BORCS5: variants seen among roughly 807,000 people sequenced by gnomAD.
The protein encoded by BORCS5 is BLOC-1 related complex subunit 5.
BORCS5 carries 17 observed loss-of-function variants against 22.1 expected under a neutral mutation model. That is an observed-to-expected ratio of 0.77 (90% confidence interval 0.53 to 1.15). The LOEUF (loss-of-function observed/expected upper bound fraction) is 1.15. Ranked by LOEUF, BORCS5 falls within the 50% of genes most tolerant of loss-of-function variation. BORCS5 has a pLI of 0.00. For synonymous variants in BORCS5, 117 were observed against 99.8 expected (o/e 1.17, Z -1.03); for missense variants, 247 against 253.2 (o/e 0.98, Z 0.17).
At position 12,438,382 on chromosome 12, in the gene BORCS5, G is replaced by GAAAAAAAAAAAAAAA. The variant is rs1565915767; in HGVS notation, c.360+2602_360+2603insAAAAAAAAAAAAAAA. 1.1e-3 allele frequency among the ~76,000 whole-genome samples: 116 copies of GAAAAAAAAAAAAAAA among 106,928 alleles called. 3 individuals are homozygous for GAAAAAAAAAAAAAAA. Among genetic ancestry groups the GAAAAAAAAAAAAAAA allele is most frequent in the African/African-American group, 4.8e-3 (86 of 18,058 alleles). 70.1% of individuals were successfully genotyped at this position (106,928 alleles called of 152,430 possible). A position where few individuals can be genotyped will look rare whatever the true frequency, so the allele number is the denominator to read the frequency against. On this transcript the variant is annotated intron_variant, in intron 3 of 3. Transcript: ENST00000314565. ...TCTCAAAAAAAAAAAAAAAAAAAAC[G>GAAAAAAAAAAAAAAA]AAAAACAACAACAAAAACCTCTAAT...
rs925018675 is a variant in BORCS5, at chr12:12,469,047, G to A, written c.*3271G>A. On this transcript the variant is annotated 3_prime_UTR_variant, in exon 4 of 4. Transcript: ENST00000314565. ...TCAAGGACTCCATACCCTGATATAG[G>A]AGTACATTCAAGAAATGAGTTTAGG... The A allele has an allele frequency of 6.6e-6, 1 of 152,136 alleles. No individual in the cohort carries two copies. 9.4% of individuals were successfully genotyped at this position (152,136 alleles called of 1,614,324 possible).
rs947559409 is a variant in BORCS5 at position 12,423,013 on chromosome 12, A to AT, written c.203-12609dup. Among the ~76,000 whole-genome samples the AT allele has an allele frequency of 2.9e-4, 42 of 147,082 alleles. 1 individual carries two copies. The highest frequency in any genetic ancestry group is 9.9e-4 in the African/African-American group (40 of 40,354). On this transcript the variant is annotated intron_variant, in intron 2 of 3. Transcript: ENST00000314565. Reference sequence around the variant, plus strand: ...TTTTTTATTTTTTATTTATTTTTTTATTTTTTGAGATGGAGTCTCACTCTG... The same window carrying AT: ...TTTTTTATTTTTTATTTATTTTTTTATTTTTTTGAGATGGAGTCTCACTCTG...
chr12:12,388,764 T>A lies in BORCS5; in HGVS notation c.202+27415T>A, dbSNP rs1038314877. On this transcript the variant is annotated intron_variant, in intron 2 of 3. Transcript: ENST00000314565. ...GCCAGATAGACTATCTTTCTGCTGT[T>A]CTTCTCCTTTCCTGGCAATATACTG... 6.0e-5 allele frequency among the ~76,000 whole-genome samples: 9 copies of A among 151,192 alleles called. 1 individual carries two copies. Among genetic ancestry groups the A allele is most frequent in the Admixed American group, 4.0e-4 (6 of 15,176 alleles).
chr12:12,405,391 A>G (rs1407077912), intron 2 of BORCS5, among the ~76,000 whole-genome samples: 2 of 152,210 alleles, frequency 1.3e-5, no homozygotes, highest in Non-Finnish European at 2.9e-5. Flanking sequence ...CTACTGTATT[A>G]TCTCCCTCAA....
intron 2 of BORCS5, among the ~76,000 whole-genome samples, chr12:12,364,051 GTAAAC>G (rs2136018335): frequency 6.6e-6 from 1 of 152,140 alleles, no homozygotes; most frequent in Admixed American, 6.6e-5. Flanking sequence ...TTACAATAAA[GTAAAC>G]TAGAGAAAAG....
Position 12,357,311 on chromosome 12 carries a change from A to G in BORCS5, c.-141A>G. On this transcript the variant is annotated 5_prime_UTR_variant, in exon 1 of 4. Transcript: ENST00000314565. ...GGCCCCTGCGTGGGCTGGACGCGTCAGCCCCACACATTAGCCTCGCTGCGG... is the reference window on the plus strand; with the variant it reads ...GGCCCCTGCGTGGGCTGGACGCGTCGGCCCCACACATTAGCCTCGCTGCGG... 5 of 1,464,282 alleles carry G rather than the reference A, an allele frequency of 3.4e-6. No homozygotes were observed. Among genetic ancestry groups the G allele is most frequent in the Non-Finnish European group, 4.5e-6 (5 of 1,104,604 alleles). The allele number at this position is 1,464,282 out of a possible 1,614,324, so 90.7% of individuals were successfully genotyped here.
At chr12:12,462,665 T>C (rs1187156428) in intron 3 of BORCS5, among the ~76,000 whole-genome samples, 1 of 151,748 alleles carries the variant, frequency 6.6e-6, no homozygotes, top group Non-Finnish European at 1.5e-5. Context: ...TTTTATTTTA[T>C]TTATTTTTGG....
At chr12:12,456,217 G>C (rs1942996103) in intron 3 of BORCS5, among the ~76,000 whole-genome samples, 1 of 152,140 alleles carries the variant, frequency 6.6e-6, no homozygotes, top group African/African-American at 2.4e-5. Context: ...TGGATGGCTT[G>C]GGCCAGGAGT....
At chr12:12,379,183 C>T (rs1365525119) in intron 2 of BORCS5, among the ~76,000 whole-genome samples, 1 of 147,710 alleles carries the variant, frequency 6.8e-6, no homozygotes, top group African/African-American at 2.5e-5. Flanking sequence ...TGCAATGGAG[C>T]GATCTTGACT....
chr12:12,374,190 A>G (rs1278139898), intron 2 of BORCS5, among the ~76,000 whole-genome samples: 1 of 150,934 alleles, frequency 6.6e-6, no homozygotes, highest in African/African-American at 2.4e-5. Context: ...ATGGGGTTTC[A>G]CTGTGTTAGC....
Position 12,435,695 on chromosome 12 carries a change from G to A in BORCS5, c.270G>A (p.Leu90=), listed in dbSNP as rs1451108645. The A allele has an allele frequency of 6.8e-6, 11 of 1,613,974 alleles. No homozygotes were observed. Among genetic ancestry groups the A allele is most frequent in the African/African-American group, 1.3e-5 (1 of 74,908 alleles). Residue 90 remains leucine (L), a synonymous_variant, in exon 3 of 4, where the codon TTG becomes TTA. Transcript: ENST00000314565. ...AGAAACTGGACTCTCAGCAGGTGTT[G>A]CAGCTCTGCCTCCGATATCAAGATC... ...KLEKLDSQQV[L]QLCLRYQDHL... is the part of the protein sequence containing the mutation.
chr12:12,463,170 A>T (rs1019065467), intron 3 of BORCS5, among the ~76,000 whole-genome samples: 1 of 152,340 alleles, frequency 6.6e-6, no homozygotes, highest in South Asian at 2.1e-4. Context: ...AGTCACATCA[A>T]ATGTGTTACA....
chr12:12,428,763 T>C (rs1942351186), intron 2 of BORCS5, among the ~76,000 whole-genome samples: 1 of 152,124 alleles, frequency 6.6e-6, no homozygotes, highest in Admixed American at 6.5e-5. Context: ...GAAAAAAAAT[T>C]ATATAGTGAG....
At chr12:12,362,636 C>CTTT (rs71436712) in intron 2 of BORCS5, among the ~76,000 whole-genome samples, 18,831 of 57,288 alleles carry the variant, frequency 0.33, 6,262 homozygotes, top group Non-Finnish European at 0.5. Flanking sequence ...TGTTACTCAT[C>CTTT]TTTTTTTTTT....
chr12:12,395,435 A>ATTTTTTTTTTTTTTTTTTTTTTTTTTT (rs59277387), intron 2 of BORCS5, among the ~76,000 whole-genome samples: 1 of 107,858 alleles, frequency 9.3e-6, no homozygotes. Flanking sequence ...CACCCAGCTA[A>ATTTTTTTTTTTTTTTTTTTTTTTTTTT]TTTTTTTTTT....
intron 2 of BORCS5, among the ~76,000 whole-genome samples, chr12:12,379,532 C>G (rs1449767228): frequency 6.6e-6 from 1 of 151,516 alleles, no homozygotes; most frequent in Non-Finnish European, 1.5e-5. Flanking sequence ...ACTAAGTTAT[C>G]TACTGAGAGG....
intron 2 of BORCS5, among the ~76,000 whole-genome samples, chr12:12,432,285 T>G (rs1257187004): frequency 6.6e-6 from 1 of 152,220 alleles, no homozygotes; most frequent in Non-Finnish European, 1.5e-5. Flanking sequence ...GCCTCCTTCC[T>G]CTTTTCCTCT....
chr12:12,364,923 C>T (rs1225372085), intron 2 of BORCS5, among the ~76,000 whole-genome samples: 2 of 152,144 alleles, frequency 1.3e-5, no homozygotes, highest in Non-Finnish European at 2.9e-5. Flanking sequence ...GCCAAGATTG[C>T]ATCACTGCAC....
intron 1 of BORCS5, 24 bp downstream of exon 1, chr12:12,357,533 T>C: frequency 6.3e-7 from 1 of 1,593,766 alleles, no homozygotes; most frequent in Non-Finnish European, 8.6e-7. Context: ...CCTCCCACCC[T>C]CCTCCAGCCC....
Sources: gnomAD v4.1 joint callset for allele counts (sites outside exome capture counted in the v4.1 genomes callset) on GRCh38, gnomAD v4.1.1 for gene constraint, MANE v1.5 for transcripts, NCBI Gene and HGNC (gene_info 2026-07-23, HGNC 2026-07-21) for gene names.